Variants in ANKS1A observed in about 807,000 individuals in gnomAD.
ANKS1A encodes ankyrin repeat and SAM domain-containing protein 1A.
In ANKS1A, 55 loss-of-function variants were observed where a neutral mutation model predicts 120.3. The ratio of observed to expected loss-of-function variants is 0.46; its 90% CI spans 0.37 to 0.57. The LOEUF is 0.57. ANKS1A is among the 20% of genes least tolerant of loss of function. ANKS1A has a pLI of 0.00. For missense variants in ANKS1A, 1,123 were observed against 1,480.3 expected, an observed-to-expected ratio of 0.76 and a Z score of 3.96; for synonymous variants, 590 against 604.7, an observed-to-expected ratio of 0.98 and a Z score of 0.36.
Position 34,981,723 on chromosome 6 carries a change from G to T in ANKS1A, c.469G>T (p.Ala157Ser). 6.2e-7 allele frequency: 1 copy of T among 1,614,200 alleles called. No individual in the cohort carries two copies. The highest frequency in any genetic ancestry group is 8.5e-7 in the Non-Finnish European group (1 of 1,180,038). Reference sequence around the variant, plus strand: ...CAACGAGACAGCCCTGCATTGTGCAGCGCAGTATGGCCACACAGAGGTGGT... The same window carrying T: ...CAACGAGACAGCCCTGCATTGTGCATCGCAGTATGGCCACACAGAGGTGGT... ...NDNETALHCA[A>S]QYGHTEVVKV... Residue 157 changes from alanine (A) to serine (S), a missense_variant, in exon 4 of 24, where the codon GCG becomes TCG. Ala to Ser is a moderately conservative substitution (Grantham distance 99). Coordinates refer to ENST00000360359, the MANE Select transcript of ANKS1A (RefSeq NM_015245.3).
At chr6:35,012,574 C>G (rs1230573529) in intron 10 of ANKS1A, among the ~76,000 whole-genome samples, 1 of 152,224 alleles carries the variant, frequency 6.6e-6, no homozygotes. Flanking sequence ...CAACTCCTCA[C>G]ATGAGCTGCA....
Position 34,982,738 on chromosome 6 carries a change from C to T in ANKS1A, c.733-14C>T, listed in dbSNP as rs899653651. 10 of 1,614,210 alleles carry T rather than the reference C, an allele frequency of 6.2e-6. No homozygotes were observed. The highest frequency in any genetic ancestry group is 4.0e-5 in the African/African-American group (3 of 75,058). On this transcript the variant is annotated splice_polypyrimidine_tract_variant and intron_variant, in intron 4 of 23. Transcript: ENST00000360359. This position sits in a 1 kb window ranked among gnomAD's most constrained non-coding sequence, Gnocchi z 4.9. Reference sequence around the variant, plus strand: ...CTGATGACATCCCGCTCTGCGCTCTCGTTTGCTTTCCAGACGGAGATGGGC... The same window carrying T: ...CTGATGACATCCCGCTCTGCGCTCTTGTTTGCTTTCCAGACGGAGATGGGC...
chr6:34,900,790 T>C (rs150391445), intron 1 of ANKS1A, among the ~76,000 whole-genome samples: 2 of 151,930 alleles, frequency 1.3e-5, no homozygotes, highest in Admixed American at 6.6e-5. Context: ...TACCCAAGAA[T>C]GTAACACAAA....
At chr6:34,911,645 C>T (rs1767912386) in intron 1 of ANKS1A, among the ~76,000 whole-genome samples, 1 of 152,142 alleles carries the variant, frequency 6.6e-6, no homozygotes, top group African/African-American at 2.4e-5. Context: ...TGTCTGGAGT[C>T]CTCACCCTGA....
intron 8 of ANKS1A, among the ~76,000 whole-genome samples, chr6:34,988,939 G>A (rs1021729571): frequency 6.6e-6 from 1 of 152,146 alleles, no homozygotes; most frequent in Admixed American, 6.5e-5. Flanking sequence ...TTCTAACAAG[G>A]CAGTTATGTG....
intron 17 of ANKS1A, 76 bp downstream of exon 17, chr6:35,081,234 C>T: frequency 4.8e-6 from 7 of 1,469,998 alleles, no homozygotes; most frequent in Non-Finnish European, 6.3e-6. Context: ...CCAGAACCAC[C>T]TGCTGCCCCA....
At chr6:35,041,376 T>C (rs2049316) in intron 11 of ANKS1A, among the ~76,000 whole-genome samples, 21,972 of 152,212 alleles carry the variant, frequency 0.14, 2,208 homozygotes, top group East Asian at 0.58. Context: ...CTTTGAATTG[T>C]GGGCAGCTCG....
chr6:35,030,646 G>A (rs372352556), intron 11 of ANKS1A, among the ~76,000 whole-genome samples: 149 of 152,250 alleles, frequency 9.8e-4, no homozygotes, highest in African/African-American at 3.2e-3. Context: ...CCACCGTTAC[G>A]TCTATGAAAT....
At chr6:34,910,446 A>C (rs1049853347) in intron 1 of ANKS1A, among the ~76,000 whole-genome samples, 14 of 152,174 alleles carry the variant, frequency 9.2e-5, no homozygotes, top group African/African-American at 2.9e-4. Context: ...CTGCAGTCCC[A>C]GCTACTCAGG....
intron 10 of ANKS1A, among the ~76,000 whole-genome samples, chr6:35,001,167 C>T (rs2127543955): frequency 1.3e-5 from 2 of 152,264 alleles, no homozygotes; most frequent in Non-Finnish European, 2.9e-5. Flanking sequence ...GTATAAAAAT[C>T]ATATAAGAAG....
rs1045290016 is a variant in ANKS1A at position 34,982,193 on chromosome 6, G to T, written c.732+207G>T. On this transcript the variant is annotated intron_variant, in intron 4 of 23. Transcript: ENST00000360359. This position sits in a 1 kb window ranked among gnomAD's most constrained non-coding sequence, Gnocchi z 4.9. Reference sequence around the variant, plus strand: ...TATTATTTTTTTGTTTCTTTTCAGGGGGTAATCCGTAGTCATTAAACCCTG... The same window carrying T: ...TATTATTTTTTTGTTTCTTTTCAGGTGGTAATCCGTAGTCATTAAACCCTG... 8.5e-5 allele frequency among the ~76,000 whole-genome samples: 13 copies of T among 152,174 alleles called. No individual in the cohort carries two copies. Among genetic ancestry groups the T allele is most frequent in the African/African-American group, 3.1e-4 (13 of 41,504 alleles).
intron 9 of ANKS1A, among the ~76,000 whole-genome samples, chr6:34,989,900 TAACTC>T (rs919610399): frequency 2.9e-4 from 44 of 152,326 alleles, no homozygotes; most frequent in African/African-American, 1.0e-3. Context: ...ATGAGGCAAA[TAACTC>T]AATCACTTAG....
chr6:35,056,894 T>C (rs944219275), intron 12 of ANKS1A, among the ~76,000 whole-genome samples: 2 of 152,074 alleles, frequency 1.3e-5, no homozygotes, highest in African/African-American at 4.8e-5. Context: ...AGGAGGGGGC[T>C]TTCCCCAGGA....
chr6:35,059,632 T>C (rs543411198), intron 12 of ANKS1A, among the ~76,000 whole-genome samples: 1 of 152,324 alleles, frequency 6.6e-6, no homozygotes, highest in Admixed American at 6.5e-5. Flanking sequence ...GACTGGTTTA[T>C]GCTGCAAGGT....
chr6:34,979,717 G>A (rs1356410009), intron 3 of ANKS1A, among the ~76,000 whole-genome samples: 1 of 152,066 alleles, frequency 6.6e-6, no homozygotes, highest in African/African-American at 2.4e-5. Context: ...ATATAAAAGA[G>A]ACAGTAGTAT....
chr6:34,954,153 G>A (rs779178600), intron 1 of ANKS1A, among the ~76,000 whole-genome samples: 11 of 152,134 alleles, frequency 7.2e-5, no homozygotes, highest in African/African-American at 1.2e-4. Flanking sequence ...TGTCCTGTCC[G>A]TGTTCATATT....
At chr6:35,006,984 A>G (rs1348425339) in intron 10 of ANKS1A, among the ~76,000 whole-genome samples, 2 of 152,196 alleles carry the variant, frequency 1.3e-5, no homozygotes, top group Non-Finnish European at 2.9e-5. Context: ...GTTCTCCACA[A>G]AAAAGAATAG....
intron 11 of ANKS1A, among the ~76,000 whole-genome samples, chr6:35,031,659 CT>C (rs1774916691): frequency 6.6e-6 from 1 of 152,164 alleles, no homozygotes; most frequent in South Asian, 2.1e-4. Flanking sequence ...TGCCTTTGGG[CT>C]TCTCTAGCTC....
chr6:35,087,130 C>A, intron 23 of ANKS1A, 81 bp downstream of exon 23: 2 of 1,361,652 alleles, frequency 1.5e-6, no homozygotes, highest in Non-Finnish European at 1.0e-6. Context: ...GATCTTTCTG[C>A]TGTCCTCAAC....
Sources: allele counts gnomAD v4.1 joint callset (sites outside exome capture counted in the v4.1 genomes callset), GRCh38; gene constraint gnomAD v4.1.1; non-coding constraint Gnocchi (gnomAD v3.1); transcripts MANE v1.5; gene names NCBI Gene and HGNC (gene_info 2026-07-23, HGNC 2026-07-21).